Variants in SETBP1 observed in about 807,000 individuals in gnomAD.
SETBP1 encodes the protein SET binding protein 1.
Under a neutral mutation model 101.0 loss-of-function variants are expected in SETBP1, and 9 were observed. That is an observed-to-expected ratio of 0.09 (90% CI 0.05 to 0.16). The LOEUF (loss-of-function observed/expected upper bound fraction) is 0.16. SETBP1 is among the 10% of genes least tolerant of loss of function. SETBP1 has a pLI of 1.00. For missense variants in SETBP1, 1,858 were observed against 2,033.8 expected (o/e 0.91, Z 1.66); for synonymous variants, 818 against 788.5 (o/e 1.04, Z -0.63).
At chr18:45,045,824 T>C (rs548721756) in intron 5 of SETBP1, among the ~76,000 whole-genome samples, 1 of 152,162 alleles carries the variant, frequency 6.6e-6, no homozygotes, top group African/African-American at 2.4e-5. Context: ...ATAGTAAGAG[T>C]TTGACAAGTG....
At chr18:45,019,085 A>G (rs1336861579) in intron 4 of SETBP1, among the ~76,000 whole-genome samples, 2 of 152,200 alleles carry the variant, frequency 1.3e-5, no homozygotes, top group Non-Finnish European at 2.9e-5. Context: ...TGGAGACAGG[A>G]AGCCTCCACC....
rs1393296025 is a variant in SETBP1, at chr18:44,680,954, A to T, written c.-240A>T. On this transcript the variant is annotated 5_prime_UTR_variant, in exon 1 of 6. Coordinates refer to ENST00000649279, the MANE Select transcript of SETBP1 (RefSeq NM_015559.3). ...CCTAGTTGGATTTTTTTGGGGGGGG[A>T]ATGTATCAGAATCTAACGTGTCGTT... 1 of 148,208 alleles carries T rather than the reference A, an allele frequency of 6.7e-6. No homozygotes were observed. The highest frequency in any genetic ancestry group is 1.5e-5 in the Non-Finnish European group (1 of 67,256). The allele number at this position is 148,208 out of a possible 1,614,324, so 9.2% of individuals were successfully genotyped here. A position where few individuals can be genotyped will look rare whatever the true frequency, so the allele number is the denominator to read the frequency against.
chr18:44,702,529 C>T (rs569613451), intron 2 of SETBP1, among the ~76,000 whole-genome samples: 1 of 152,332 alleles, frequency 6.6e-6, no homozygotes, highest in Admixed American at 6.5e-5. Context: ...TATTGTATAA[C>T]AGCCAAGTGT....
At chr18:44,996,547 T>C (rs753156734) in intron 4 of SETBP1, among the ~76,000 whole-genome samples, 3 of 152,372 alleles carry the variant, frequency 2.0e-5, no homozygotes, top group Middle Eastern at 3.4e-3. Flanking sequence ...CCCATGAAGA[T>C]GAAACTGCTA....
upstream of SETBP1, chr18:44,680,244 G>A (rs1259795874): frequency 1.4e-5 from 2 of 145,998 alleles, no homozygotes; most frequent in South Asian, 2.2e-4. Flanking sequence ...GGCGCCCCCC[G>A]AGCTAGGGCG....
At chr18:45,006,346 T>C (rs895277588) in intron 4 of SETBP1, among the ~76,000 whole-genome samples, 2 of 152,170 alleles carry the variant, frequency 1.3e-5, no homozygotes, top group African/African-American at 4.8e-5. Context: ...AATTGTTCCT[T>C]GTAGGTTCGT....
intron 2 of SETBP1, among the ~76,000 whole-genome samples, chr18:44,835,294 T>C (rs908362765): frequency 6.6e-6 from 1 of 152,054 alleles, no homozygotes; most frequent in East Asian, 1.9e-4. Flanking sequence ...CGGTGCATTT[T>C]ATCAATATCA....
chr18:44,794,220 A>G (rs915024194), intron 2 of SETBP1, among the ~76,000 whole-genome samples: 15 of 152,238 alleles, frequency 9.9e-5, no homozygotes, highest in African/African-American at 3.6e-4. Flanking sequence ...GATTGCAGCC[A>G]TTGTACGGCA....
At chr18:44,806,507 T>C (rs986703561) in intron 2 of SETBP1, among the ~76,000 whole-genome samples, 1 of 152,116 alleles carries the variant, frequency 6.6e-6, no homozygotes, top group Admixed American at 6.6e-5. Context: ...TTTGTTTTGA[T>C]TTTCTCACTT....
intron 4 of SETBP1, among the ~76,000 whole-genome samples, chr18:45,013,396 A>G (rs942984825): frequency 4.0e-5 from 6 of 150,234 alleles, no homozygotes; most frequent in African/African-American, 1.5e-4. Context: ...TTAGGATTAT[A>G]TCTGACTGTT....
chr18:44,970,888 TTAAG>T (rs1218083787), intron 4 of SETBP1, among the ~76,000 whole-genome samples: 1 of 152,056 alleles, frequency 6.6e-6, no homozygotes, highest in African/African-American at 2.4e-5. Context: ...TAATTATACT[TTAAG>T]TATTAGGGTA....
chr18:44,888,469 A>G (rs373024817), intron 3 of SETBP1, among the ~76,000 whole-genome samples: 11 of 152,224 alleles, frequency 7.2e-5, no homozygotes, highest in African/African-American at 2.6e-4. Context: ...ATCTTCCCTC[A>G]AGCCTTATGA....
intron 3 of SETBP1, among the ~76,000 whole-genome samples, chr18:44,874,581 G>C (rs2069353993): frequency 6.6e-6 from 1 of 152,222 alleles, no homozygotes; most frequent in South Asian, 2.1e-4. Context: ...GGCAGAATTA[G>C]TGGACCAGCA....
chr18:44,854,377 A>G (rs1013046159), intron 2 of SETBP1, among the ~76,000 whole-genome samples: 1 of 152,170 alleles, frequency 6.6e-6, no homozygotes, highest in East Asian at 1.9e-4. Flanking sequence ...CAGATTTCTC[A>G]ACGTGTTCTA....
At chr18:45,046,220 T>C (rs2073609605) in intron 5 of SETBP1, among the ~76,000 whole-genome samples, 2 of 152,220 alleles carry the variant, frequency 1.3e-5, no homozygotes, top group Admixed American at 6.5e-5. Flanking sequence ...TGCTAAATAT[T>C]AGCCAAAGTG....
At chr18:44,834,395 A>G (rs1599193527) in intron 2 of SETBP1, among the ~76,000 whole-genome samples, 1 of 152,210 alleles carries the variant, frequency 6.6e-6, no homozygotes, top group East Asian at 1.9e-4. Flanking sequence ...CTAAGTACGT[A>G]TGAACTAGAC....
rs756453339 is a variant in SETBP1 at position 44,952,504 on chromosome 18, A to G, written c.3164A>G (p.Tyr1055Cys). ...GSYYAPYGMP[Y>C]TSMPMMNLGY... is the part of the protein sequence containing the mutation. ...TACTATGCACCCTATGGAATGCCTT[A>G]CACATCAATGCCTATGATGAACCTT... Residue 1055 changes from tyrosine (Y) to cysteine (C), a missense_variant, in exon 4 of 6, where the codon TAC becomes TGC. Coordinates refer to ENST00000649279, the MANE Select transcript of SETBP1 (RefSeq NM_015559.3). The G allele has an allele frequency of 6.2e-7, 1 of 1,614,060 alleles. No individual in the cohort carries two copies. The highest frequency in any genetic ancestry group is 8.5e-7 in the Non-Finnish European group (1 of 1,180,010).
intron 2 of SETBP1, among the ~76,000 whole-genome samples, chr18:44,858,597 T>G (rs62090609): frequency 0.12 from 18,860 of 152,210 alleles, 1,554 homozygotes; most frequent in African/African-American, 0.24. Flanking sequence ...TTGTGAAGGT[T>G]GTTTTTTGCA....
chr18:44,753,333 G>A (rs535646832), intron 2 of SETBP1, among the ~76,000 whole-genome samples: 18 of 152,220 alleles, frequency 1.2e-4, no homozygotes, highest in Admixed American at 4.6e-4. Context: ...GATCCTAGGA[G>A]GCTGGCATGA....
Sources: allele counts gnomAD v4.1 joint callset (sites outside exome capture counted in the v4.1 genomes callset), GRCh38; gene constraint gnomAD v4.1.1; transcripts MANE v1.5; gene names NCBI Gene and HGNC (gene_info 2026-07-23, HGNC 2026-07-21).